The following NCKAP5 variants were observed in gnomAD, a reference collection of about 807,000 sequenced individuals.
NCKAP5 encodes NCK associated protein 5.
NCKAP5 carries 92 observed loss-of-function variants against 167.0 expected under a neutral mutation model. That is an observed-to-expected ratio of 0.55 (90% CI 0.47 to 0.66). The LOEUF (loss-of-function observed/expected upper bound fraction) is 0.66, where lower values mean the gene tolerates loss of function less well. NCKAP5 is among the 30% of genes least tolerant of loss of function. NCKAP5 has a pLI of 0.00. For synonymous variants in NCKAP5, 891 were observed against 877.4 expected (o/e 1.02, Z -0.27); for missense variants, 2,378 against 2,315.0 (o/e 1.03, Z -0.56).
intron 8 of NCKAP5, among the ~76,000 whole-genome samples, chr2:132,891,102 C>T (rs1692664194): frequency 6.6e-6 from 1 of 152,164 alleles, no homozygotes; most frequent in South Asian, 2.1e-4. Context: ...TCCACAGGTT[C>T]ATTTTTGAAG....
chr2:133,307,812 T>C (rs1680887571), intron 3 of NCKAP5, among the ~76,000 whole-genome samples: 1 of 152,156 alleles, frequency 6.6e-6, no homozygotes, highest in Admixed American at 6.5e-5. Flanking sequence ...CTATGCATTA[T>C]CTATGCACAT....
At chr2:133,514,913 T>C (rs1683852997) in intron 3 of NCKAP5, among the ~76,000 whole-genome samples, 1 of 152,066 alleles carries the variant, frequency 6.6e-6, no homozygotes, top group African/African-American at 2.4e-5. Flanking sequence ...ATTTTCACTT[T>C]AGCATTCTAG....
chr2:133,566,781 T>G (rs1688583558), intron 1 of NCKAP5, among the ~76,000 whole-genome samples: 1 of 152,244 alleles, frequency 6.6e-6, no homozygotes, highest in African/African-American at 2.4e-5. Context: ...TAAACTTTGA[T>G]GAATAGTTTG....
intron 6 of NCKAP5, among the ~76,000 whole-genome samples, chr2:133,020,004 A>C (rs1288852499): frequency 1.3e-5 from 2 of 152,366 alleles, no homozygotes; most frequent in South Asian, 4.1e-4. Context: ...TGTTACCTCC[A>C]CACACTTCAG....
chr2:132,702,401 C>T (rs1044450132), intron 19 of NCKAP5, among the ~76,000 whole-genome samples: 3 of 152,092 alleles, frequency 2.0e-5, no homozygotes, highest in African/African-American at 4.8e-5. Flanking sequence ...GATCAGTTGG[C>T]TTAGGGAAAG....
intron 19 of NCKAP5, among the ~76,000 whole-genome samples, chr2:132,680,513 G>A (rs923109465): frequency 1.3e-5 from 2 of 152,142 alleles, no homozygotes; most frequent in African/African-American, 4.8e-5. Context: ...GAGAAAAAGA[G>A]CAAGCAAAGA....
intron 3 of NCKAP5, among the ~76,000 whole-genome samples, chr2:133,438,641 T>C (rs898912830): frequency 1.3e-5 from 2 of 152,098 alleles, no homozygotes; most frequent in Non-Finnish European, 1.5e-5. Context: ...GCCTTTGGAG[T>C]CAAAGACACA....
At chr2:133,592,249 G>A in the NCKAP5 span, among the ~76,000 whole-genome samples, 1 of 152,162 alleles carries the variant, frequency 6.6e-6, no homozygotes, top group Non-Finnish European at 1.5e-5. Flanking sequence ...GTGCAAACCA[G>A]GCTCTTTTGC....
chr2:133,111,463 T>C (rs1233030941), intron 6 of NCKAP5, among the ~76,000 whole-genome samples: 3 of 152,154 alleles, frequency 2.0e-5, no homozygotes, highest in African/African-American at 7.2e-5. Context: ...TCATTTGGGG[T>C]GAATGAGAGT....
At chr2:133,522,245 C>A (rs1684537896) in intron 2 of NCKAP5, among the ~76,000 whole-genome samples, 1 of 152,150 alleles carries the variant, frequency 6.6e-6, no homozygotes. Context: ...GAAAGGGCAC[C>A]AGCAATGCCC....
chr2:133,325,924 G>A (rs975309942), intron 3 of NCKAP5, among the ~76,000 whole-genome samples: 4 of 152,112 alleles, frequency 2.6e-5, no homozygotes, highest in Admixed American at 6.5e-5. Flanking sequence ...TATTTTTGCC[G>A]GATGTCATCA....
chr2:133,032,663 C>A (rs990945419), intron 6 of NCKAP5, among the ~76,000 whole-genome samples: 4 of 152,072 alleles, frequency 2.6e-5, no homozygotes, highest in African/African-American at 9.7e-5. Flanking sequence ...CGGGCGAGAC[C>A]CAGTGCTGTA....
intron 6 of NCKAP5, among the ~76,000 whole-genome samples, chr2:133,089,714 A>G (rs1559128390): frequency 6.6e-6 from 1 of 152,260 alleles, no homozygotes; most frequent in Non-Finnish European, 1.5e-5. Flanking sequence ...ACAAGTGTCC[A>G]GCAGAACCAG....
chr2:133,192,849 C>G (rs370422152), intron 5 of NCKAP5, among the ~76,000 whole-genome samples: 75 of 152,122 alleles, frequency 4.9e-4, no homozygotes, highest in African/African-American at 1.7e-3. Context: ...TAAGCAGTTT[C>G]TTAAATAACT....
chr2:133,091,587 G>T (rs1207228395), intron 6 of NCKAP5, among the ~76,000 whole-genome samples: 2 of 151,886 alleles, frequency 1.3e-5, no homozygotes, highest in African/African-American at 2.4e-5. Context: ...CAGATGTTTT[G>T]GTTTAAAAAA....
At chr2:133,530,258 T>TAAAA (rs35812179) in intron 2 of NCKAP5, among the ~76,000 whole-genome samples, 1 of 148,536 alleles carries the variant, frequency 6.7e-6, no homozygotes, top group South Asian at 2.1e-4. Flanking sequence ...GACCCTCAAG[T>TAAAA]AAAAAAAAAA....
chr2:132,908,957 G>A (rs1694218432), intron 8 of NCKAP5, among the ~76,000 whole-genome samples: 1 of 152,198 alleles, frequency 6.6e-6, no homozygotes, highest in South Asian at 2.1e-4. Flanking sequence ...TCACTGAACA[G>A]TGTCATAAGT....
intron 6 of NCKAP5, among the ~76,000 whole-genome samples, chr2:133,075,824 CA>C (rs993983507): frequency 6.6e-6 from 1 of 151,780 alleles, no homozygotes; most frequent in African/African-American, 2.4e-5. Context: ...GGGAGAAAAA[CA>C]GGCCAAAAAT....
chr2:133,084,507 T>C (rs1462623576), intron 6 of NCKAP5, among the ~76,000 whole-genome samples: 2 of 152,174 alleles, frequency 1.3e-5, no homozygotes, highest in South Asian at 2.1e-4. Flanking sequence ...GACACATATA[T>C]GGTGGGCTTG....
Sources: allele counts gnomAD v4.1 joint callset (sites outside exome capture counted in the v4.1 genomes callset), GRCh38; gene constraint gnomAD v4.1.1; transcripts MANE v1.5; gene names NCBI Gene and HGNC (gene_info 2026-07-23, HGNC 2026-07-21).